MTA3: variants seen among roughly 807,000 people sequenced by gnomAD.
MTA3 encodes metastasis associated 1 family member 3.
A neutral mutation model predicts 83.5 loss-of-function variants in MTA3; 34 were observed. The ratio of observed to expected loss-of-function variants is 0.41; its 90% CI spans 0.31 to 0.54. MTA3 has a LOEUF of 0.54. MTA3 is among the 20% of genes least tolerant of loss of function. The probability of loss-of-function intolerance (pLI) is 0.33; values close to 1 mark genes in which losing one functional copy is unlikely to be tolerated. For missense variants in MTA3, 761 were observed against 726.4 expected, an observed-to-expected ratio of 1.05 and a Z score of -0.55; for synonymous variants, 303 against 252.7, an observed-to-expected ratio of 1.20 and a Z score of -1.89.
chr2:42,618,912 A>AGCCTCTT (rs1685225210), intron 4 of MTA3, among the ~76,000 whole-genome samples: 1 of 151,984 alleles, frequency 6.6e-6, no homozygotes, highest in Non-Finnish European at 1.5e-5. Context: ...AGCCTGGCCC[A>AGCCTCTT]TTTTTCTTTT....
chr2:42,731,389 G>A (rs1350828842), intron 16 of MTA3, among the ~76,000 whole-genome samples: 1 of 152,200 alleles, frequency 6.6e-6, no homozygotes, highest in Non-Finnish European at 1.5e-5. Context: ...AAGAAAAAGA[G>A]GTTTAATTGG....
In MTA3 at chr2:42,690,714, C is replaced by T. The variant is rs1692805659; in HGVS notation, c.892-5051C>T. Among the ~76,000 whole-genome samples the T allele has an allele frequency of 2.1e-5, 3 of 141,064 alleles. No individual in the cohort carries two copies. The South Asian group carries it at 6.7e-4, about 31-fold the overall frequency. The allele number at this position is 141,064 out of a possible 152,430, so 92.5% of individuals were successfully genotyped here. Reference sequence around the variant, plus strand: ...TTTTTTTTGGAGACAGAGTCTCTATCACCAGGCTGGAGTGCAGTGGCGCAA... The same window carrying T: ...TTTTTTTTGGAGACAGAGTCTCTATTACCAGGCTGGAGTGCAGTGGCGCAA... On this transcript the variant is annotated intron_variant, in intron 9 of 16. Transcript: ENST00000405094.
chr2:42,708,202 G>A (rs1428446303), intron 13 of MTA3, 148 bp downstream of exon 13: 4 of 809,294 alleles, frequency 4.9e-6, no homozygotes, highest in Non-Finnish European at 5.3e-6. Flanking sequence ...CAGGGTAGGT[G>A]TGGAGAGAAG....
chr2:42,580,358 T>C (rs896372483), intron 3 of MTA3, among the ~76,000 whole-genome samples: 4 of 149,898 alleles, frequency 2.7e-5, no homozygotes, highest in African/African-American at 4.9e-5. Flanking sequence ...TTTAATTAAT[T>C]TTATTTATTT....
chr2:42,753,441 G>A lies in MTA3; in HGVS notation c.*42G>A. On this transcript the variant is annotated 3_prime_UTR_variant, in exon 17 of 17. Coordinates refer to ENST00000405094, the MANE Select transcript of MTA3 (RefSeq NM_001330442.2). Reference sequence around the variant, plus strand: ...TCTACAATCCAAGACTTGCTGCACTGTCCTGCTGATGTTCACAGCCGTGCC... The same window carrying A: ...TCTACAATCCAAGACTTGCTGCACTATCCTGCTGATGTTCACAGCCGTGCC... 6.5e-7 allele frequency: 1 copy of A among 1,550,368 alleles called. No individual in the cohort carries two copies. The highest frequency in any genetic ancestry group is 8.7e-7 in the Non-Finnish European group (1 of 1,146,830).
At chr2:42,594,278 C>G (rs1681416882) in intron 3 of MTA3, among the ~76,000 whole-genome samples, 1 of 135,264 alleles carries the variant, frequency 7.4e-6, no homozygotes, top group South Asian at 2.4e-4. Flanking sequence ...AAGACAGTCC[C>G]TAGGCTGGAG....
At chr2:42,627,516 C>G (rs1686227519) in intron 4 of MTA3, among the ~76,000 whole-genome samples, 1 of 151,970 alleles carries the variant, frequency 6.6e-6, no homozygotes, top group South Asian at 2.1e-4. Flanking sequence ...AATCTTTATT[C>G]TTCTAATGGC....
intron 14 of MTA3, among the ~76,000 whole-genome samples, chr2:42,718,291 A>G (rs1294244630): frequency 3.3e-5 from 5 of 151,942 alleles, no homozygotes; most frequent in Non-Finnish European, 5.9e-5. Context: ...CTTGTTGCCC[A>G]GGCTGGAGTG....
At chr2:42,525,992 A>G in intron 2 of MTA3, among the ~76,000 whole-genome samples, 1 of 152,002 alleles carries the variant, frequency 6.6e-6, no homozygotes, top group East Asian at 1.9e-4. Context: ...CCTTTGCCAG[A>G]GAGAAAGAAC....
intron 2 of MTA3, among the ~76,000 whole-genome samples, chr2:42,537,924 C>G (rs1676324438): frequency 6.6e-6 from 1 of 152,044 alleles, no homozygotes; most frequent in African/African-American, 2.4e-5. Context: ...GGTAGTTCAG[C>G]AAATAACAAT....
At chr2:42,686,127 CA>C (rs1692343017) in intron 9 of MTA3, among the ~76,000 whole-genome samples, 1 of 152,116 alleles carries the variant, frequency 6.6e-6, no homozygotes, top group Admixed American at 6.5e-5. Context: ...TCCCACTACC[CA>C]AAAGTGATCA....
At chr2:42,553,990 T>C (rs891209868) in intron 2 of MTA3, among the ~76,000 whole-genome samples, 1 of 150,938 alleles carries the variant, frequency 6.6e-6, no homozygotes, top group African/African-American at 2.4e-5. Context: ...TCCCAGCACT[T>C]TGGGAGGCCG....
chr2:42,699,777 G>T (rs1329587165), intron 11 of MTA3, among the ~76,000 whole-genome samples: 2 of 152,104 alleles, frequency 1.3e-5, no homozygotes, highest in African/African-American at 4.8e-5. Context: ...TCAATATGCT[G>T]TCACCAAATA....
intron 8 of MTA3, among the ~76,000 whole-genome samples, chr2:42,663,857 G>T (rs1161574575): frequency 6.6e-6 from 1 of 152,028 alleles, no homozygotes; most frequent in African/African-American, 2.4e-5. Context: ...CTCCTGTTTT[G>T]TTTCCATTCT....
At chr2:42,711,558 T>C (rs1170765147) in intron 14 of MTA3, among the ~76,000 whole-genome samples, 1 of 152,216 alleles carries the variant, frequency 6.6e-6, no homozygotes, top group East Asian at 1.9e-4. Flanking sequence ...AAAATGACAG[T>C]GTTTCAGCAG....
intron 16 of MTA3, among the ~76,000 whole-genome samples, chr2:42,749,428 C>T (rs1039537129): frequency 6.6e-6 from 1 of 152,026 alleles, no homozygotes; most frequent in East Asian, 1.9e-4. Flanking sequence ...ATTTTGGTTG[C>T]TCTCTAGTAC....
chr2:42,643,531 A>G (rs1687892701), intron 5 of MTA3, among the ~76,000 whole-genome samples: 2 of 152,194 alleles, frequency 1.3e-5, no homozygotes, highest in South Asian at 4.1e-4. Context: ...ATATCTGTCT[A>G]TATGTATATA....
intron 2 of MTA3, among the ~76,000 whole-genome samples, chr2:42,548,831 T>TATATTATATATATATA (rs1676896403): frequency 5.9e-4 from 5 of 8,536 alleles, no homozygotes; most frequent in Non-Finnish European, 1.2e-3. Context: ...ATATATATAA[T>TATATTATATATATATA]ATATATATAT....
At chr2:42,672,010 A>G (rs1022706782) in intron 8 of MTA3, among the ~76,000 whole-genome samples, 1 of 152,206 alleles carries the variant, frequency 6.6e-6, no homozygotes, top group African/African-American at 2.4e-5. Context: ...TTTCAGAGGG[A>G]TCATCACCTC....
Sources: allele counts gnomAD v4.1 joint callset (sites outside exome capture counted in the v4.1 genomes callset), GRCh38; gene constraint gnomAD v4.1.1; transcripts MANE v1.5; gene names NCBI Gene and HGNC (gene_info 2026-07-23, HGNC 2026-07-21).